RUNDC1: variants seen among roughly 807,000 people sequenced by gnomAD.
RUNDC1 encodes RUN domain containing 1, also known as RUN domain-containing protein 1.
RUNDC1 carries 31 observed loss-of-function variants against 49.3 expected under a neutral mutation model. The observed-to-expected ratio is 0.63, with a 90% CI of 0.47 to 0.85. RUNDC1 has a LOEUF of 0.85. RUNDC1 is among the 40% of genes least tolerant of loss of function. RUNDC1 has a pLI of 0.00. For missense variants in RUNDC1, 715 were observed against 806.7 expected (o/e 0.89, Z 1.38); for synonymous variants, 347 against 348.6 (o/e 1.00, Z 0.05).
At position 42,991,745 on chromosome 17, in the gene RUNDC1, C is replaced by A; in HGVS notation, c.*29C>A. The A allele has an allele frequency of 1.3e-6, 2 of 1,587,020 alleles. No homozygotes were observed. Among genetic ancestry groups the A allele is most frequent in the Admixed American group, 1.7e-5 (1 of 58,514 alleles). ...GAGTGCCCTAACCCCAGACAAGCTC[C>A]TTGTTCAGTAGGGATAGATGTGCTA... On this transcript the variant is annotated 3_prime_UTR_variant, in exon 5 of 5. Transcript: ENST00000361677.
Position 42,990,840 on chromosome 17 carries a change from T to C in RUNDC1, c.977-11T>C. Reference sequence around the variant, plus strand: ...GCCTCTCACTGATGAGCCACTGTCTTTTCTAAGCAGCAAAGGCAGAGGATG... The same window carrying C: ...GCCTCTCACTGATGAGCCACTGTCTCTTCTAAGCAGCAAAGGCAGAGGATG... On this transcript the variant is annotated splice_polypyrimidine_tract_variant and intron_variant, in intron 4 of 4. Transcript: ENST00000361677. 6.4e-7 allele frequency: 1 copy of C among 1,574,146 alleles called. No homozygotes were observed. Among genetic ancestry groups the C allele is most frequent in the Non-Finnish European group, 8.6e-7 (1 of 1,156,344 alleles).
chr17:42,987,926 AT>A, intron 2 of RUNDC1, among the ~76,000 whole-genome samples: 1 of 151,692 alleles, frequency 6.6e-6, no homozygotes, highest in African/African-American at 2.4e-5. Flanking sequence ...CTAATTTTGT[AT>A]TTTCAGGAGA....
chr17:42,991,774 T>G lies in RUNDC1; in HGVS notation c.*58T>G. 6.6e-7 allele frequency: 1 copy of G among 1,505,718 alleles called. No homozygotes were observed. The highest frequency in any genetic ancestry group is 9.0e-7 in the Non-Finnish European group (1 of 1,115,772). 93.3% of individuals were successfully genotyped at this position (1,505,718 alleles called of 1,614,324 possible). ...TTCAGTAGGGATAGATGTGCTAGTC[T>G]TCTAGCATAGGAGCAAGGAATCAGA... On this transcript the variant is annotated 3_prime_UTR_variant, in exon 5 of 5. Transcript: ENST00000361677.
At chr17:42,986,236 C>G (rs1218283447) in intron 1 of RUNDC1, among the ~76,000 whole-genome samples, 2 of 152,058 alleles carry the variant, frequency 1.3e-5, no homozygotes, top group African/African-American at 4.8e-5. Context: ...GCCTCGGCCA[C>G]TCAAGTAGCT....
Position 42,991,566 on chromosome 17 carries a change from C to T in RUNDC1, c.1692C>T (p.Leu564=). 1.2e-6 allele frequency: 2 copies of T among 1,614,198 alleles called. No individual in the cohort carries two copies. The highest frequency in any genetic ancestry group is 1.7e-6 in the Non-Finnish European group (2 of 1,180,028). ...WVNLICKSGS[L]IEPHYQPWSY... ...ACCTCATCTGCAAGTCCGGGTCACT[C>T]ATCGAGCCTCACTACCAGCCCTGGA... The change falls in exon 5 of 5, where the codon CTC becomes CTT. Residue 564 remains leucine (L), a synonymous_variant. Transcript: ENST00000361677.
Position 42,991,493 on chromosome 17 carries a change from C to T in RUNDC1, c.1619C>T (p.Ala540Val), listed in dbSNP as rs369376117. The T allele has an allele frequency of 6.2e-7, 1 of 1,614,138 alleles. No homozygotes were observed. The highest frequency in any genetic ancestry group is 2.2e-5 in the East Asian group (1 of 44,886). ...CGCAGTGCAGACTCAGAATTGAAGG[C>T]CTTGGTGTGCATGGCACTGAATGAG... ...FKRSADSELK[A>V]LVCMALNEQR... Residue 540 changes from alanine (A) to valine (V), a missense_variant, in exon 5 of 5, where the codon GCC becomes GTC. By Grantham distance (64) the Ala-to-Val change is moderately conservative. Around this residue, in one of 5 missense-constraint regions of RUNDC1, gnomAD observed 425 missense variants for 499.7 expected, o/e 0.85. Coordinates refer to ENST00000361677, the MANE Select transcript of RUNDC1 (RefSeq NM_173079.5).
rs879853364 is a variant in RUNDC1, at chr17:42,992,007, G to T, written c.*291G>T. 1.4e-5 allele frequency: 5 copies of T among 362,600 alleles called. No homozygotes were observed. The highest frequency in any genetic ancestry group is 4.2e-5 in the Admixed American group (1 of 23,692). 22.5% of individuals were successfully genotyped at this position (362,600 alleles called of 1,614,324 possible). On this transcript the variant is annotated 3_prime_UTR_variant, in exon 5 of 5. Transcript: ENST00000361677. ...AGGCGGGCGGATCACAAGGTCAGGAGTTCGAGACCATCCTGTCTAACACGG... is the reference window on the plus strand; with the variant it reads ...AGGCGGGCGGATCACAAGGTCAGGATTTCGAGACCATCCTGTCTAACACGG...
At chr17:42,990,769 C>T (rs1427193253) in intron 4 of RUNDC1, 82 bp from the exon 5 acceptor site, 6 of 1,484,710 alleles carry the variant, frequency 4.0e-6, no homozygotes, top group Non-Finnish European at 5.4e-6. Context: ...GTGGCTCAGA[C>T]TGATCTCAGC....
At position 42,991,673 on chromosome 17, in the gene RUNDC1, A is replaced by G; in HGVS notation, c.1799A>G (p.Asp600Gly). 6.2e-6 allele frequency: 10 copies of G among 1,613,872 alleles called. No homozygotes were observed. Among genetic ancestry groups the G allele is most frequent in the Non-Finnish European group, 8.5e-6 (10 of 1,179,950 alleles). The part of the protein sequence containing the change: ...LSSLKFSLPV[D>G]LAVRQLKNIK... ...AGCCTCAAGTTTAGCCTCCCTGTAGATCTGGCTGTGCGCCAGCTCAAAAAC... is the reference window on the plus strand; with the variant it reads ...AGCCTCAAGTTTAGCCTCCCTGTAGGTCTGGCTGTGCGCCAGCTCAAAAAC... The change falls in exon 5 of 5, where the codon GAT becomes GGT. Residue 600 changes from aspartate (D) to glycine (G), a missense_variant. By Grantham distance (94) the Asp-to-Gly change is moderately conservative (BLOSUM62 -1). Transcript: ENST00000361677.
intron 1 of RUNDC1, among the ~76,000 whole-genome samples, chr17:42,982,321 A>G (rs1315001289): frequency 6.6e-6 from 1 of 152,100 alleles, no homozygotes; most frequent in Non-Finnish European, 1.5e-5. Context: ...ACTACAATCT[A>G]CATGTGGCTT....
At chr17:42,985,774 A>G (rs925186696) in intron 1 of RUNDC1, 4 of 724,258 alleles carry the variant, frequency 5.5e-6, no homozygotes, top group African/African-American at 3.9e-5. Context: ...CAAGAAAGAC[A>G]AGGAAGAACC....
chr17:42,991,121 T>C lies in RUNDC1; in HGVS notation c.1247T>C (p.Leu416Pro), dbSNP rs1597760182. Residue 416 changes from leucine to proline, a missense_variant, in exon 5 of 5, where the codon CTG (leucine) becomes CCG (proline). By Grantham distance (98) the Leu-to-Pro change is moderately conservative (BLOSUM62 -3). Transcript: ENST00000361677. Reference sequence around the variant, plus strand: ...TCTGCCAACCTCCAGGACCTCTCTCTGGGAGGCAAGGATGAGCTGACTATG... The same window carrying C: ...TCTGCCAACCTCCAGGACCTCTCTCCGGGAGGCAAGGATGAGCTGACTATG... Reference protein sequence around the residue: ...ITSANLQDLSLGGKDELTMAV... With the variant: ...ITSANLQDLSPGGKDELTMAV... 1 of 1,614,210 alleles carries C rather than the reference T, an allele frequency of 6.2e-7. No homozygotes were observed. The highest frequency in any genetic ancestry group is 8.5e-7 in the Non-Finnish European group (1 of 1,180,016).
At chr17:42,987,500 G>C in intron 2 of RUNDC1, 86 bp downstream of exon 2, 7 of 1,338,594 alleles carry the variant, frequency 5.2e-6, no homozygotes, top group Non-Finnish European at 7.4e-6. Flanking sequence ...TCTCAGCTCA[G>C]TTCTCCTTTG....
chr17:42,983,936 G>A (rs1237173182), intron 1 of RUNDC1, among the ~76,000 whole-genome samples: 2 of 151,480 alleles, frequency 1.3e-5, no homozygotes. Flanking sequence ...TGTCCGACTC[G>A]GCCTCCCAAA....
At chr17:42,988,983 A>T (rs1356995332) in intron 2 of RUNDC1, among the ~76,000 whole-genome samples, 1 of 152,130 alleles carries the variant, frequency 6.6e-6, no homozygotes. Flanking sequence ...TCTCTTAAAA[A>T]TCAGTATATA....
intron 1 of RUNDC1, among the ~76,000 whole-genome samples, chr17:42,985,854 A>G (rs891324475): frequency 6.6e-6 from 1 of 152,124 alleles, no homozygotes; most frequent in Non-Finnish European, 1.5e-5. Context: ...TGCAGAAACT[A>G]CTGGTGGCCA....
In RUNDC1 at chr17:42,983,004, A is replaced by C. The variant is rs1391093545; in HGVS notation, c.498+1930A>C. 3.4e-5 allele frequency among the ~76,000 whole-genome samples: 5 copies of C among 147,412 alleles called. No homozygotes were observed. In the Admixed American group the frequency reaches 3.4e-4, roughly 10 times the overall value. On this transcript the variant is annotated intron_variant, in intron 1 of 4. Coordinates refer to ENST00000361677, the MANE Select transcript of RUNDC1 (RefSeq NM_173079.5). ...ACTCTGTCTCAAAAAAAAACACACA[A>C]AAAATTAAAAACTGAAAAAAAAAAA...
intron 1 of RUNDC1, chr17:42,981,368 C>G: frequency 2.3e-6 from 1 of 426,510 alleles, no homozygotes; most frequent in Non-Finnish European, 4.2e-6. Flanking sequence ...GGCAGCAGAG[C>G]AGCCAAGAGC....
At chr17:42,983,717 G>T (rs1434359442) in intron 1 of RUNDC1, among the ~76,000 whole-genome samples, 4 of 151,586 alleles carry the variant, frequency 2.6e-5, no homozygotes, top group Admixed American at 2.6e-4. Flanking sequence ...TGTCGCCCAG[G>T]CTGGAATGCA....
Sources: gnomAD v4.1 joint callset for allele counts (sites outside exome capture counted in the v4.1 genomes callset) on GRCh38, gnomAD v4.1.1 for gene constraint, gnomAD v4.1.1 regional missense constraint, MANE v1.5 for transcripts, NCBI Gene and HGNC (gene_info 2026-07-23, HGNC 2026-07-21) for gene names.